RICTOR: variants seen among roughly 807,000 people sequenced by gnomAD.
RICTOR encodes the protein rapamycin-insensitive companion of mTOR.
Under a neutral mutation model 214.9 loss-of-function variants are expected in RICTOR, and 49 were observed. The observed-to-expected ratio is 0.23, with a 90% confidence interval of 0.18 to 0.29. The LOEUF (loss-of-function observed/expected upper bound fraction) is 0.29, where lower values mean the gene tolerates loss of function less well. Among genes scored for constraint, RICTOR ranks in the 10% least tolerant of loss-of-function variants. The pLI is 1.00. For synonymous variants in RICTOR, 717 were observed against 711.3 expected (o/e 1.01, Z -0.13); for missense variants, 1,625 against 2,047.0 (o/e 0.79, Z 3.98).
At chr5:38,955,766 T>C in intron 25 of RICTOR, 62 bp from the exon 26 acceptor site, 1 of 888,750 alleles carries the variant, frequency 1.1e-6, no homozygotes, top group Non-Finnish European at 1.9e-6. Flanking sequence ...ATTTAAAATA[T>C]GTCAGATACT....
chr5:38,981,594 C>T (rs1751719290), intron 8 of RICTOR: 2 of 278,004 alleles, frequency 7.2e-6, no homozygotes, highest in Non-Finnish European at 1.3e-5. Context: ...AAATTTGTTA[C>T]ATAACTTTAT....
Position 38,959,893 on chromosome 5 carries a change from A to G in RICTOR, c.1937T>C (p.Leu646Pro). The change falls in exon 21 of 38, where the codon CTT (leucine) becomes CCT (proline). Residue 646 changes from leucine (L) to proline (P), a missense_variant. Leu to Pro is a moderately conservative substitution (Grantham distance 98, BLOSUM62 -3). Around this residue, in one of 5 missense-constraint regions of RICTOR, gnomAD observed 1,214 missense variants for 1,470.5 expected, o/e 0.83. Transcript: ENST00000357387. ...GGTGGTCAATAAACCATTATTTTGA[A>G]GACTTCTTTCGGGTTTCATTCCAGA... is the stretch of plus-strand genomic sequence containing the variant. ...ASSGMKPERS[L>P]QNNGLLTTLS... is the part of the protein sequence containing the mutation. The G allele has an allele frequency of 6.2e-7, 1 of 1,613,062 alleles. No individual in the cohort carries two copies. Among genetic ancestry groups the G allele is most frequent in the Non-Finnish European group, 8.5e-7 (1 of 1,179,146 alleles).
chr5:38,978,773 T>G, intron 8 of RICTOR, 123 bp from the exon 9 acceptor site: 1 of 504,306 alleles, frequency 2.0e-6, no homozygotes, highest in Non-Finnish European at 3.5e-6. Context: ...GGGGACTTAT[T>G]TCTTCTAACT....
chr5:39,073,396 G>A (rs1347993408), intron 2 of RICTOR, among the ~76,000 whole-genome samples: 1 of 152,140 alleles, frequency 6.6e-6, no homozygotes, highest in Admixed American at 6.5e-5. Flanking sequence ...AATATCACCC[G>A]AGTTTCCCCA....
intron 7 of RICTOR, among the ~76,000 whole-genome samples, chr5:38,985,852 T>C (rs1198812467): frequency 6.6e-6 from 1 of 152,042 alleles, no homozygotes; most frequent in African/African-American, 2.4e-5. Context: ...CATGCCACCA[T>C]GCCTGGCTAA....
chr5:39,061,123 T>A (rs1387734896), intron 2 of RICTOR, among the ~76,000 whole-genome samples: 1 of 152,112 alleles, frequency 6.6e-6, no homozygotes, highest in Non-Finnish European at 1.5e-5. Context: ...AGAACAATGC[T>A]GGACACATAA....
intron 3 of RICTOR, among the ~76,000 whole-genome samples, chr5:39,018,012 C>A (rs62359835): frequency 6.6e-6 from 1 of 151,894 alleles, no homozygotes; most frequent in Non-Finnish European, 1.5e-5. Context: ...TAAAATGATT[C>A]TTTCATTAAA....
chr5:39,049,091 T>C (rs1242207718), intron 2 of RICTOR, among the ~76,000 whole-genome samples: 1 of 151,822 alleles, frequency 6.6e-6, no homozygotes, highest in Non-Finnish European at 1.5e-5. Context: ...AAGGTGAGAA[T>C]CTGAATTTAA....
At chr5:39,062,758 A>G (rs1043235802) in intron 2 of RICTOR, among the ~76,000 whole-genome samples, 1 of 152,078 alleles carries the variant, frequency 6.6e-6, no homozygotes, top group African/African-American at 2.4e-5. Context: ...AACACATGAA[A>G]TTTCACTGGA....
At position 38,978,630 on chromosome 5, in the gene RICTOR, A is replaced by G. The variant is rs774294543; in HGVS notation, c.774T>C (p.Thr258=). Residue 258 remains threonine, a synonymous_variant, in exon 9 of 38, where the codon ACT becomes ACC. Transcript: ENST00000357387. Reference sequence around the variant, plus strand: ...CTGGACTATGTCTGTAGTGAAAATCAGTATAGGGTGCTAAAATTCTCTATT... The same window carrying G: ...CTGGACTATGTCTGTAGTGAAAATCGGTATAGGGTGCTAAAATTCTCTATT... The part of the protein sequence containing the change: ...VELERILAPY[T]DFHYRHSPDT... The G allele has an allele frequency of 3.2e-6, 5 of 1,558,122 alleles. No homozygotes were observed. The East Asian group carries it at 9.0e-5, about 28-fold the overall frequency.
At position 38,946,459 on chromosome 5, in the gene RICTOR, A is replaced by G. The variant is rs1438116723; in HGVS notation, c.4399+9T>C. On this transcript the variant is annotated intron_variant, in intron 33 of 37. Transcript: ENST00000357387. ...AGGCATCTCACAAGTACAATGCACA[A>G]TGCATTACCTCCTGCATCATGGGCA... 12 of 1,555,656 alleles carry G rather than the reference A, an allele frequency of 7.7e-6. No homozygotes were observed. Among genetic ancestry groups the G allele is most frequent in the South Asian group, 2.2e-5 (2 of 89,884 alleles).
At chr5:38,949,238 T>C (rs967119468) in intron 31 of RICTOR, 85 of 581,868 alleles carry the variant, frequency 1.5e-4, no homozygotes, top group Non-Finnish European at 2.3e-4. Flanking sequence ...TAGTGTTTAT[T>C]AGGTTCCTAT....
chr5:39,015,780 A>G (rs766286170), intron 3 of RICTOR, among the ~76,000 whole-genome samples: 1 of 152,098 alleles, frequency 6.6e-6, no homozygotes, highest in Non-Finnish European at 1.5e-5. Flanking sequence ...CACAAAACAC[A>G]AAAACCAAAC....
chr5:38,985,542 T>C (rs559546180), intron 7 of RICTOR, among the ~76,000 whole-genome samples: 16 of 152,276 alleles, frequency 1.1e-4, no homozygotes, highest in Non-Finnish European at 2.2e-4. Context: ...TGACTCCTTA[T>C]AGTAATATCT....
Position 39,006,785 on chromosome 5 carries a change from G to A in RICTOR, c.196-3163C>T, listed in dbSNP as rs576297657. 3.3e-4 allele frequency among the ~76,000 whole-genome samples: 43 copies of A among 132,154 alleles called. 1 individual carries two copies. The highest frequency in any genetic ancestry group is 6.8e-4 in the Admixed American group (9 of 13,156). 86.7% of individuals were successfully genotyped at this position (132,154 alleles called of 152,430 possible). A position where few individuals can be genotyped will look rare whatever the true frequency, so the allele number is the denominator to read the frequency against. On this transcript the variant is annotated intron_variant, in intron 3 of 37. Transcript: ENST00000357387. ...GAGGAGGGGAGAGGAGAGGAGGGGA[G>A]GGGAGGGGGTCCCAAACAGAATAGG... is the stretch of plus-strand genomic sequence containing the variant.
rs372231029 is a variant in RICTOR, at chr5:38,990,745, G to C, written c.583+204C>G. Among the ~76,000 whole-genome samples the C allele has an allele frequency of 9.0e-3, 227 of 25,260 alleles. 12 individuals carry two copies. Among genetic ancestry groups the C allele is most frequent in the African/African-American group, 0.017 (114 of 6,672 alleles). 16.6% of individuals were successfully genotyped at this position (25,260 alleles called of 152,430 possible). On this transcript the variant is annotated intron_variant, in intron 7 of 37. Coordinates refer to ENST00000357387, the MANE Select transcript of RICTOR (RefSeq NM_152756.5). ...TATATATCATATATATGATATATAT[G>C]AGATATATGATATATATGAGATATA...
chr5:39,040,181 G>A (rs551087836), intron 2 of RICTOR, among the ~76,000 whole-genome samples: 2 of 151,998 alleles, frequency 1.3e-5, no homozygotes, highest in African/African-American at 4.8e-5. Context: ...CATGGATGAA[G>A]CTGGAAACCA....
chr5:38,998,763 C>T (rs1753364906), intron 5 of RICTOR, among the ~76,000 whole-genome samples: 2 of 151,940 alleles, frequency 1.3e-5, no homozygotes, highest in South Asian at 4.2e-4. Flanking sequence ...GCCTGTAATC[C>T]TAGCATTTTG....
chr5:38,952,546 G>A lies in RICTOR; in HGVS notation c.2898-121C>T, dbSNP rs1409921503. On this transcript the variant is annotated intron_variant, in intron 29 of 37. Transcript: ENST00000357387. ...CTCTAAAACCCACCAAAATGGTTGC[G>A]TTTGTGGAAAAAAAAAAACTTATTA... The A allele has an allele frequency of 6.5e-5, 31 of 475,428 alleles. 1 individual carries two copies. The highest frequency in any genetic ancestry group is 1.0e-4 in the East Asian group (3 of 29,248). The allele number at this position is 475,428 out of a possible 1,614,324, so 29.5% of individuals were successfully genotyped here.
Sources: gnomAD v4.1 joint callset for allele counts (sites outside exome capture counted in the v4.1 genomes callset) on GRCh38, gnomAD v4.1.1 for gene constraint, gnomAD v4.1.1 regional missense constraint, MANE v1.5 for transcripts, NCBI Gene and HGNC (gene_info 2026-07-23, HGNC 2026-07-21) for gene names.